PCGF3: variants seen among roughly 807,000 people sequenced by gnomAD.
The protein encoded by PCGF3 is polycomb group ring finger 3.
PCGF3 carries 7 observed loss-of-function variants against 33.1 expected under a neutral mutation model. The ratio of observed to expected loss-of-function variants is 0.21; its 90% CI spans 0.12 to 0.40. The LOEUF is 0.40. Ranked by LOEUF, PCGF3 falls within the 10% of genes least tolerant of loss-of-function variation. PCGF3 has a pLI of 1.00. For synonymous variants in PCGF3, 153 were observed against 121.3 expected, an observed-to-expected ratio of 1.26 and a Z score of -1.72; for missense variants, 211 against 313.3, an observed-to-expected ratio of 0.67 and a Z score of 2.46.
At position 720,566 on chromosome 4, in the gene PCGF3, G is replaced by A. The variant is rs1743030459; in HGVS notation, c.-189-10064G>A. Among the ~76,000 whole-genome samples, 2 of 152,238 alleles carry A rather than the reference G, an allele frequency of 1.3e-5. No homozygotes were observed. The highest frequency in any genetic ancestry group is 1.5e-5 in the Non-Finnish European group (1 of 68,006). On this transcript the variant is annotated intron_variant, in intron 1 of 10. Transcript: ENST00000362003. The surrounding 1 kb of genome is among the most constrained non-coding windows in gnomAD (Gnocchi z 5.6). ...GCTGATGTGGACGCAGCCCCGACGT[G>A]AACAGGACCCCACGTGGACGGGCAG...
rs967656363 is a variant in PCGF3 at position 762,506 on chromosome 4, C to T, written c.600+1090C>T. On this transcript the variant is annotated intron_variant, in intron 9 of 10. Transcript: ENST00000362003. ...CTGGGGGAGGCGCTCAGGCCGAGGG[C>T]CCTGCCCCATGCACGGATTGATGCT... The T allele has an allele frequency of 1.4e-4, 22 of 152,304 alleles. 1 individual carries two copies. The highest frequency in any genetic ancestry group is 1.1e-3 in the Admixed American group (17 of 15,288). 9.4% of individuals were successfully genotyped at this position (152,304 alleles called of 1,614,324 possible).
At chr4:748,015 CTG>C (rs1744340460) in intron 8 of PCGF3, among the ~76,000 whole-genome samples, 7 of 152,156 alleles carry the variant, frequency 4.6e-5, no homozygotes, top group Admixed American at 4.6e-4. Flanking sequence ...GGGCGCGTCT[CTG>C]TGCTCCGTGA....
At chr4:760,923 C>G (rs959321905) in intron 8 of PCGF3, among the ~76,000 whole-genome samples, 1 of 152,238 alleles carries the variant, frequency 6.6e-6, no homozygotes, top group Non-Finnish European at 1.5e-5. Context: ...TTCGCAGACA[C>G]GGGGCCGCCC....
In PCGF3 at chr4:731,395, G is replaced by A. The variant is rs1262789051; in HGVS notation, c.-10+285G>A. On this transcript the variant is annotated intron_variant, in intron 3 of 10. Transcript: ENST00000362003. Reference sequence around the variant, plus strand: ...GTGTCGCTGAGGAGCAGTGCTGCTTGGGGGCCGAGCCTGGGGCCTCAGCCC... The same window carrying A: ...GTGTCGCTGAGGAGCAGTGCTGCTTAGGGGCCGAGCCTGGGGCCTCAGCCC... The A allele has an allele frequency of 2.1e-5, 8 of 384,112 alleles. No homozygotes were observed. In the East Asian group the frequency reaches 3.0e-4, roughly 14 times the overall value. The allele number at this position is 384,112 out of a possible 1,614,324, so 23.8% of individuals were successfully genotyped here. A position where few individuals can be genotyped will look rare whatever the true frequency, so the allele number is the denominator to read the frequency against.
At chr4:738,223 G>C (rs1168177474) in intron 6 of PCGF3, among the ~76,000 whole-genome samples, 1 of 152,178 alleles carries the variant, frequency 6.6e-6, no homozygotes, top group Non-Finnish European at 1.5e-5. Flanking sequence ...AAGAGGGTTG[G>C]AATTCAAAAC....
At chr4:710,727 C>T (rs1245325651) in intron 1 of PCGF3, among the ~76,000 whole-genome samples, 1 of 152,100 alleles carries the variant, frequency 6.6e-6, no homozygotes, top group East Asian at 1.9e-4. Context: ...TTTGGCATAC[C>T]AGTAGCAAGC....
chr4:761,233 C>T lies in PCGF3; in HGVS notation c.463-46C>T, dbSNP rs536186988. 9.0e-5 allele frequency: 136 copies of T among 1,505,732 alleles called. No individual in the cohort carries two copies. In the South Asian group the frequency reaches 1.5e-3, roughly 17 times the overall value. The allele number at this position is 1,505,732 out of a possible 1,614,324, so 93.3% of individuals were successfully genotyped here. ...GTCTAAGGAAGCCTCCAGAACCGTCCGGGGGAACCCTCCTGCTGCGCTCTC... is the reference window on the plus strand; with the variant it reads ...GTCTAAGGAAGCCTCCAGAACCGTCTGGGGGAACCCTCCTGCTGCGCTCTC... On this transcript the variant is annotated intron_variant, in intron 8 of 10. Transcript: ENST00000362003.
intron 8 of PCGF3, 132 bp from the exon 9 acceptor site, chr4:761,147 C>G (rs922135161): frequency 1.3e-5 from 8 of 595,788 alleles, no homozygotes; most frequent in African/African-American, 1.9e-5. Context: ...GTGTTGAAGT[C>G]AAAGCAGATG....
chr4:732,893 C>G (rs552326241), intron 3 of PCGF3, among the ~76,000 whole-genome samples: 1 of 152,364 alleles, frequency 6.6e-6, no homozygotes, highest in African/African-American at 2.4e-5. Flanking sequence ...AAGCAAATCA[C>G]CAGGCTCTGC....
chr4:752,187 T>G (rs1744546968), intron 8 of PCGF3, among the ~76,000 whole-genome samples: 1 of 152,236 alleles, frequency 6.6e-6, no homozygotes, highest in Non-Finnish European at 1.5e-5. Context: ...CGAAGCCGCC[T>G]CTTCCACTGC....
chr4:749,942 C>T (rs1744440537), intron 8 of PCGF3, among the ~76,000 whole-genome samples: 1 of 152,252 alleles, frequency 6.6e-6, no homozygotes, highest in Admixed American at 6.5e-5. Context: ...GAGTAGCAGA[C>T]ACTGTTGGCA....
chr4:736,088 G>A (rs535427745), intron 5 of PCGF3, among the ~76,000 whole-genome samples: 2 of 151,212 alleles, frequency 1.3e-5, no homozygotes, highest in Non-Finnish European at 2.9e-5. Flanking sequence ...TTGCTCTGTC[G>A]CCAGGCTGGA....
At chr4:727,046 G>T (rs576968116) in intron 1 of PCGF3, among the ~76,000 whole-genome samples, 1 of 152,142 alleles carries the variant, frequency 6.6e-6, no homozygotes, top group Non-Finnish European at 1.5e-5. Flanking sequence ...CTGTGGGATC[G>T]TGGGCACCTG....
intron 8 of PCGF3, among the ~76,000 whole-genome samples, chr4:748,710 G>A (rs1335469447): frequency 2.6e-5 from 4 of 152,172 alleles, no homozygotes; most frequent in East Asian, 1.9e-4. Context: ...CCTGGTTTCC[G>A]ATGTTGACGT....
chr4:731,651 C>A (rs56730137), intron 3 of PCGF3, among the ~76,000 whole-genome samples: 12,388 of 38,920 alleles, frequency 0.32, 2,136 homozygotes, highest in African/African-American at 0.52. Context: ...GGGCGGGGCT[C>A]CCCCGCCCCT....
intron 7 of PCGF3, among the ~76,000 whole-genome samples, 171 bp from the exon 8 acceptor site, chr4:744,429 G>T (rs980565601): frequency 2.6e-5 from 4 of 152,238 alleles, no homozygotes; most frequent in South Asian, 2.1e-4. Context: ...ATCCTGGGGA[G>T]ACCCCTGCAG....
chr4:758,310 C>T (rs1192561481), intron 8 of PCGF3, among the ~76,000 whole-genome samples: 3 of 151,048 alleles, frequency 2.0e-5, no homozygotes, highest in South Asian at 2.1e-4. Context: ...AGGTCTTTCT[C>T]CCCGCGCGGC....
chr4:720,363 T>C lies in PCGF3; in HGVS notation c.-189-10267T>C, dbSNP rs1440670012. 4.6e-5 allele frequency among the ~76,000 whole-genome samples: 7 copies of C among 151,992 alleles called. 1 individual carries two copies. The highest frequency in any genetic ancestry group is 4.6e-4 in the Admixed American group (7 of 15,264). The stretch of plus-strand genomic sequence containing the variant: ...CCTGTGCATCGCTGTGGAGGGTGAC[T>C]GTGCAGGAGGACAGAGTGCCACAAG... On this transcript the variant is annotated intron_variant, in intron 1 of 10. Transcript: ENST00000362003. The surrounding 1 kb of genome is among the most constrained non-coding windows in gnomAD (Gnocchi z 5.6).
At position 758,606 on chromosome 4, in the gene PCGF3, C is replaced by T. The variant is rs531940079; in HGVS notation, c.463-2673C>T. ...CCCTCCCCCGAGTTCTTCTCCATCC[C>T]GACTCCAGTTCTTTCTCCCCGCGCG... On this transcript the variant is annotated intron_variant, in intron 8 of 10. Coordinates refer to ENST00000362003, the Ensembl canonical transcript of PCGF3. Among the ~76,000 whole-genome samples, 102 of 116,456 alleles carry T rather than the reference C, an allele frequency of 8.8e-4. 3 individuals carry two copies. Among genetic ancestry groups the T allele is most frequent in the Non-Finnish European group, 1.0e-3 (57 of 56,808 alleles). The allele number at this position is 116,456 out of a possible 152,430, so 76.4% of individuals were successfully genotyped here.
Sources: gnomAD v4.1 joint callset for allele counts (sites outside exome capture counted in the v4.1 genomes callset) on GRCh38, gnomAD v4.1.1 for gene constraint, Gnocchi (gnomAD v3.1) non-coding constraint, MANE v1.5 for transcripts, NCBI Gene and HGNC (gene_info 2026-07-23, HGNC 2026-07-21) for gene names.